Variants in ADCYAP1R1 observed in about 807,000 individuals in gnomAD.
The protein encoded by ADCYAP1R1 is pituitary adenylate cyclase-activating polypeptide type I receptor.
Under a neutral mutation model 67.6 loss-of-function variants are expected in ADCYAP1R1, and 44 were observed. The observed-to-expected ratio is 0.65, with a 90% CI of 0.51 to 0.84. The LOEUF (loss-of-function observed/expected upper bound fraction) is 0.84, where lower values mean the gene tolerates loss of function less well. Ranked by LOEUF, ADCYAP1R1 falls within the 40% of genes least tolerant of loss-of-function variation. The pLI is 0.00. For synonymous variants in ADCYAP1R1, 222 were observed against 219.6 expected, an observed-to-expected ratio of 1.01 and a Z score of -0.10; for missense variants, 477 against 587.9, an observed-to-expected ratio of 0.81 and a Z score of 1.95.
At position 31,081,695 on chromosome 7, in the gene ADCYAP1R1, T is replaced by G; in HGVS notation, c.287-18T>G. 14 of 1,592,502 alleles carry G rather than the reference T, an allele frequency of 8.8e-6. No homozygotes were observed. Among genetic ancestry groups the G allele is most frequent in the Non-Finnish European group, 1.2e-5 (14 of 1,168,870 alleles). ...TAAGCCAGGCATTTTGATATATGCC[T>G]ATGTCTGTATTTTTCAGGAGAGTCT... On this transcript the variant is annotated intron_variant, in intron 5 of 15. Coordinates refer to ENST00000304166, the MANE Select transcript of ADCYAP1R1 (RefSeq NM_001118.5).
At chr7:31,099,763 C>T (rs150082344) in intron 13 of ADCYAP1R1, among the ~76,000 whole-genome samples, 2,233 of 152,292 alleles carry the variant, frequency 0.015, 53 homozygotes, top group African/African-American at 0.05. Flanking sequence ...GGGACCTTGA[C>T]GAGGCGGGGC....
intron 13 of ADCYAP1R1, among the ~76,000 whole-genome samples, chr7:31,100,698 C>T (rs1796401286): frequency 6.6e-6 from 1 of 152,176 alleles, no homozygotes; most frequent in Non-Finnish European, 1.5e-5. Context: ...GGTATCATCA[C>T]CATTTTACAA....
intron 1 of ADCYAP1R1, among the ~76,000 whole-genome samples, chr7:31,060,965 G>T (rs1794477021): frequency 6.6e-6 from 1 of 152,180 alleles, no homozygotes; most frequent in African/African-American, 2.4e-5. Flanking sequence ...GATTCATTTG[G>T]CCCGGGGTAG....
rs1470763620 is a variant in ADCYAP1R1 at position 31,109,078 on chromosome 7, G to A, written c.*2394G>A. 6.6e-6 allele frequency: 1 copy of A among 152,222 alleles called. No individual in the cohort carries two copies. The highest frequency in any genetic ancestry group is 1.9e-4 in the East Asian group (1 of 5,190). 9.4% of individuals were successfully genotyped at this position (152,222 alleles called of 1,614,324 possible). On this transcript the variant is annotated 3_prime_UTR_variant, in exon 16 of 16. Coordinates refer to ENST00000304166, the MANE Select transcript of ADCYAP1R1 (RefSeq NM_001118.5). ...TGGAAGAAGAAACTTTGGCATTATA[G>A]AGACATCATCACAAAACAGTAAAAA...
intron 11 of ADCYAP1R1, among the ~76,000 whole-genome samples, 183 bp downstream of exon 11, chr7:31,087,186 C>T (rs545061828): frequency 9.8e-5 from 15 of 152,294 alleles, no homozygotes; most frequent in South Asian, 4.1e-4. Flanking sequence ...CACCCAGCTG[C>T]GTCTCAGCCA....
Position 31,063,373 on chromosome 7 carries a change from G to C in ADCYAP1R1, c.51+58G>C, listed in dbSNP as rs546829974. 6.4e-5 allele frequency: 103 copies of C among 1,599,626 alleles called. No homozygotes were observed. The African/African-American group carries it at 1.2e-3, about 18-fold the overall frequency. On this transcript the variant is annotated intron_variant, in intron 2 of 15. Coordinates refer to ENST00000304166, the MANE Select transcript of ADCYAP1R1 (RefSeq NM_001118.5). ...CAGGCTCACCTGAGTCCCCGCTCCA[G>C]AGAACTCATGTTTTTTCTGTACCCT...
chr7:31,078,129 C>CG, intron 4 of ADCYAP1R1, 31 bp downstream of exon 4: 1 of 1,530,244 alleles, frequency 6.5e-7, no homozygotes, highest in Non-Finnish European at 8.9e-7. Context: ...TTAGGCCACG[C>CG]TGGCCTAGCC....
Position 31,109,780 on chromosome 7 carries a change from G to C in ADCYAP1R1, c.*3096G>C, listed in dbSNP as rs955785035. ...AGTCAAGGATGCTGAGGCTGTCAGG[G>C]AGCCAGAGAGGGGGGTCCAAGTGCG... On this transcript the variant is annotated 3_prime_UTR_variant, in exon 16 of 16. Coordinates refer to ENST00000304166, the MANE Select transcript of ADCYAP1R1 (RefSeq NM_001118.5). 2.0e-5 allele frequency: 3 copies of C among 152,486 alleles called. No homozygotes were observed. The highest frequency in any genetic ancestry group is 2.9e-5 in the Non-Finnish European group (2 of 68,112). The allele number at this position is 152,486 out of a possible 1,614,324, so 9.4% of individuals were successfully genotyped here. A position where few individuals can be genotyped will look rare whatever the true frequency, so the allele number is the denominator to read the frequency against.
chr7:31,067,143 C>G (rs999925543), intron 3 of ADCYAP1R1, among the ~76,000 whole-genome samples: 4 of 152,102 alleles, frequency 2.6e-5, no homozygotes, highest in Non-Finnish European at 4.4e-5. Flanking sequence ...GAAGGATTCT[C>G]CAAGAATTGA....
intron 14 of ADCYAP1R1, among the ~76,000 whole-genome samples, chr7:31,104,009 T>C (rs560144015): frequency 5.3e-5 from 8 of 152,274 alleles, no homozygotes; most frequent in Admixed American, 3.9e-4. Context: ...CTGTTTGAAT[T>C]AGTATTTGAT....
rs1412548878 is a variant in ADCYAP1R1 at position 31,108,219 on chromosome 7, G to A, written c.*1535G>A. ...GGAGACTTGGGAAAATGTTTCTGGA[G>A]AGGCTTTCAGAGTGGCTGGAAAAGG... On this transcript the variant is annotated 3_prime_UTR_variant, in exon 16 of 16. Transcript: ENST00000304166. The A allele has an allele frequency of 6.6e-6, 1 of 152,252 alleles. No individual in the cohort carries two copies. The highest frequency in any genetic ancestry group is 2.4e-5 in the African/African-American group (1 of 41,452). 9.4% of individuals were successfully genotyped at this position (152,252 alleles called of 1,614,324 possible). A position where few individuals can be genotyped will look rare whatever the true frequency, so the allele number is the denominator to read the frequency against.
intron 1 of ADCYAP1R1, among the ~76,000 whole-genome samples, chr7:31,056,668 C>T (rs1339481202): frequency 6.6e-6 from 1 of 152,182 alleles, no homozygotes; most frequent in Admixed American, 6.5e-5. Flanking sequence ...GAAAGGGCCT[C>T]AGGGTACATT....
intron 3 of ADCYAP1R1, among the ~76,000 whole-genome samples, chr7:31,069,362 C>A (rs899623544): frequency 6.6e-6 from 1 of 152,238 alleles, no homozygotes; most frequent in Non-Finnish European, 1.5e-5. Context: ...CAAGCACACA[C>A]GCCATGCACA....
At chr7:31,090,708 A>G (rs1014469257) in intron 12 of ADCYAP1R1, among the ~76,000 whole-genome samples, 1 of 152,194 alleles carries the variant, frequency 6.6e-6, no homozygotes, top group African/African-American at 2.4e-5. Flanking sequence ...ACTTAGGATA[A>G]TGGCCTCCAG....
intron 14 of ADCYAP1R1, 133 bp downstream of exon 14, chr7:31,103,499 G>A: frequency 7.9e-7 from 1 of 1,263,878 alleles, no homozygotes; most frequent in African/African-American, 1.5e-5. Context: ...AGGGAGCCCT[G>A]TCTGCTGTCT....
At chr7:31,066,403 T>C (rs1331332986) in intron 3 of ADCYAP1R1, among the ~76,000 whole-genome samples, 2 of 152,050 alleles carry the variant, frequency 1.3e-5, no homozygotes, top group Non-Finnish European at 2.9e-5. Flanking sequence ...CTTGTTGAAC[T>C]CTGGGCTGAC....
At chr7:31,094,471 A>G (rs1796101523) in intron 13 of ADCYAP1R1, among the ~76,000 whole-genome samples, 1 of 152,122 alleles carries the variant, frequency 6.6e-6, no homozygotes, top group Non-Finnish European at 1.5e-5. Flanking sequence ...TGAAGCTGGC[A>G]GGGAGCTAAG....
intron 1 of ADCYAP1R1, among the ~76,000 whole-genome samples, chr7:31,060,131 C>G (rs933079622): frequency 1.3e-5 from 2 of 152,120 alleles, no homozygotes; most frequent in Non-Finnish European, 1.5e-5. Flanking sequence ...GGGCTGGGGC[C>G]TCTGCTGGAG....
chr7:31,072,609 G>C (rs2128621991), intron 3 of ADCYAP1R1, among the ~76,000 whole-genome samples: 1 of 152,156 alleles, frequency 6.6e-6, no homozygotes, highest in Middle Eastern at 3.4e-3. Context: ...ATGTCTGCAT[G>C]TCTGCTATTG....
Sources: gnomAD v4.1 joint callset for allele counts (sites outside exome capture counted in the v4.1 genomes callset) on GRCh38, gnomAD v4.1.1 for gene constraint, MANE v1.5 for transcripts, NCBI Gene and HGNC (gene_info 2026-07-23, HGNC 2026-07-21) for gene names.